The following CTNNA3 variants were observed in gnomAD, a reference collection of about 807,000 sequenced individuals.
The protein encoded by CTNNA3 is catenin alpha 3.
Under a neutral mutation model 95.7 loss-of-function variants are expected in CTNNA3, and 76 were observed. That is an observed-to-expected ratio of 0.79 (90% confidence interval 0.66 to 0.96). CTNNA3 has a LOEUF of 0.96. CTNNA3 is among the 40% of genes least tolerant of loss of function. The pLI, the probability that CTNNA3 is intolerant of heterozygous loss-of-function variation, is 0.00. For missense variants in CTNNA3, 1,191 were observed against 1,089.8 expected (o/e 1.09, Z -1.31); for synonymous variants, 431 against 374.4 (o/e 1.15, Z -1.74).
intron 7 of CTNNA3, among the ~76,000 whole-genome samples, chr10:66,930,518 G>C (rs1047889077): frequency 3.9e-5 from 6 of 152,078 alleles, no homozygotes; most frequent in African/African-American, 1.4e-4. Context: ...TTAATGAAAT[G>C]CAGTCTTAAA....
chr10:67,332,890 C>T (rs1437891489), intron 5 of CTNNA3, among the ~76,000 whole-genome samples: 2 of 152,146 alleles, frequency 1.3e-5, no homozygotes, highest in East Asian at 1.9e-4. Context: ...CAAGCTATAG[C>T]ACGTGAATGC....
At position 66,644,967 on chromosome 10, in the gene CTNNA3, T is replaced by C. The variant is rs1162174872; in HGVS notation, c.1282-23183A>G. 2.0e-5 allele frequency among the ~76,000 whole-genome samples: 3 copies of C among 152,202 alleles called. No homozygotes were observed. The East Asian group carries it at 5.8e-4, about 29-fold the overall frequency. ...ACAACCACTAACTATTCCCCATTTC[T>C]AAATTTTATTATTTCAAAATGTTTT... On this transcript the variant is annotated intron_variant, in intron 9 of 17. Coordinates refer to ENST00000433211, the MANE Select transcript of CTNNA3 (RefSeq NM_013266.4).
At chr10:66,421,401 A>G (rs2093191940) in intron 11 of CTNNA3, among the ~76,000 whole-genome samples, 1 of 152,206 alleles carries the variant, frequency 6.6e-6, no homozygotes, top group African/African-American at 2.4e-5. Flanking sequence ...CAAAGTAGCT[A>G]TAAGAAAGGA....
intron 2 of CTNNA3, among the ~76,000 whole-genome samples, chr10:67,615,594 G>A (rs1021123718): frequency 1.8e-4 from 27 of 151,402 alleles, no homozygotes; most frequent in Non-Finnish European, 3.7e-4. Context: ...CTCATTCTAA[G>A]AAGGTGGGGG....
intron 11 of CTNNA3, among the ~76,000 whole-genome samples, chr10:66,515,463 A>G (rs1206629020): frequency 6.6e-6 from 1 of 152,048 alleles, no homozygotes; most frequent in Non-Finnish European, 1.5e-5. Context: ...AGATACGCTA[A>G]GAACTAACTT....
intron 12 of CTNNA3, among the ~76,000 whole-genome samples, chr10:66,297,922 T>C (rs1446030575): frequency 2.0e-5 from 3 of 152,166 alleles, no homozygotes; most frequent in African/African-American, 4.8e-5. Context: ...ATGAGTATAA[T>C]AGGAGTACTT....
At chr10:66,336,394 C>T (rs1186711954) in intron 12 of CTNNA3, among the ~76,000 whole-genome samples, 1 of 152,046 alleles carries the variant, frequency 6.6e-6, no homozygotes, top group Non-Finnish European at 1.5e-5. Flanking sequence ...CATATTTCTT[C>T]TTACCTAATT....
chr10:67,402,821 G>A (rs113236401), intron 5 of CTNNA3, among the ~76,000 whole-genome samples: 4,090 of 152,286 alleles, frequency 0.027, 105 homozygotes, highest in South Asian at 0.1. Context: ...CAGAGACCCA[G>A]GAGATTTACA....
chr10:67,419,623 T>A (rs1246819600), intron 5 of CTNNA3, among the ~76,000 whole-genome samples: 2 of 152,194 alleles, frequency 1.3e-5, no homozygotes, highest in Admixed American at 6.5e-5. Flanking sequence ...CTTTCTCATA[T>A]CTCTGAAGGA....
intron 12 of CTNNA3, among the ~76,000 whole-genome samples, chr10:66,306,729 AGAT>A (rs2091939969): frequency 6.6e-6 from 1 of 152,210 alleles, no homozygotes; most frequent in South Asian, 2.1e-4. Flanking sequence ...CTTGCCAGAC[AGAT>A]AGCAATATTT....
chr10:67,731,800 C>CA (rs199645393), intron 1 of CTNNA3, among the ~76,000 whole-genome samples: 9,548 of 103,388 alleles, frequency 0.092, 389 homozygotes, highest in African/African-American at 0.16. Flanking sequence ...GACTCCGTCT[C>CA]AAAAAAAAAA....
At chr10:67,386,279 T>C (rs1292761873) in intron 5 of CTNNA3, among the ~76,000 whole-genome samples, 2 of 152,224 alleles carry the variant, frequency 1.3e-5, no homozygotes, top group African/African-American at 4.8e-5. Context: ...AATTACACAT[T>C]GAATTTCATC....
intron 6 of CTNNA3, among the ~76,000 whole-genome samples, chr10:67,189,560 A>G (rs1197924534): frequency 6.6e-6 from 1 of 151,752 alleles, no homozygotes; most frequent in Non-Finnish European, 1.5e-5. Context: ...ATTTCAAAAC[A>G]TCATGTTATA....
At chr10:66,945,932 A>G (rs1036779757) in intron 7 of CTNNA3, among the ~76,000 whole-genome samples, 3 of 152,144 alleles carry the variant, frequency 2.0e-5, no homozygotes, top group Admixed American at 2.0e-4. Context: ...TGTAGTTTGA[A>G]GGACCCCAAA....
chr10:67,180,445 T>G lies in CTNNA3; in HGVS notation c.919A>C (p.Ile307Leu), dbSNP rs543478300. The change falls in exon 7 of 18, where the codon ATT (isoleucine) becomes CTT (leucine). Residue 307 changes from isoleucine (I) to leucine (L), a missense_variant. Transcript: ENST00000433211. ...RPSLEKRLEA[I>L]ISGAALLADS... is the part of the protein sequence containing the mutation. ...GCCAGCAGAGCAGCCCCACTGATAA[T>G]GGCTTCAAGGCGTTTCTCTAGTGAT... 6.2e-7 allele frequency: 1 copy of G among 1,613,898 alleles called. No individual in the cohort carries two copies. The highest frequency in any genetic ancestry group is 1.7e-5 in the Admixed American group (1 of 59,994).
At chr10:67,430,616 C>T (rs907299105) in intron 5 of CTNNA3, among the ~76,000 whole-genome samples, 1 of 151,776 alleles carries the variant, frequency 6.6e-6, no homozygotes. Context: ...CATGTATACT[C>T]AGGTCCAGGT....
intron 3 of CTNNA3, among the ~76,000 whole-genome samples, chr10:67,594,505 T>C (rs1842878657): frequency 6.6e-6 from 1 of 152,142 alleles, no homozygotes; most frequent in Non-Finnish European, 1.5e-5. Flanking sequence ...TCTGGAAATT[T>C]ATCAGTTTCT....
intron 15 of CTNNA3, among the ~76,000 whole-genome samples, chr10:65,992,428 T>C (rs2133338627): frequency 6.6e-6 from 1 of 152,206 alleles, no homozygotes; most frequent in Non-Finnish European, 1.5e-5. Context: ...TACTGTGCAT[T>C]ATTGTTCTGT....
chr10:67,333,214 C>CA (rs1408104348), intron 5 of CTNNA3, among the ~76,000 whole-genome samples: 2 of 152,116 alleles, frequency 1.3e-5, no homozygotes, highest in African/African-American at 4.8e-5. Context: ...TCCTTCACTG[C>CA]ACTAGGTCAT....
Sources: allele counts gnomAD v4.1 joint callset (sites outside exome capture counted in the v4.1 genomes callset), GRCh38; gene constraint gnomAD v4.1.1; transcripts MANE v1.5; gene names NCBI Gene and HGNC (gene_info 2026-07-23, HGNC 2026-07-21).